ZNF804B: variants seen among roughly 807,000 people sequenced by gnomAD.
ZNF804B encodes the protein zinc finger 804B.
In ZNF804B, 80 loss-of-function variants were observed where a neutral mutation model predicts 101.4. The observed-to-expected ratio is 0.79, with a 90% CI of 0.66 to 0.95. ZNF804B has a LOEUF of 0.95. Among genes scored for constraint, ZNF804B ranks in the 40% least tolerant of loss-of-function variants. The probability of loss-of-function intolerance (pLI) is 0.00; values close to 1 mark genes in which losing one functional copy is unlikely to be tolerated. For missense variants in ZNF804B, 1,673 were observed against 1,561.9 expected (o/e 1.07, Z -1.20); for synonymous variants, 622 against 558.8 (o/e 1.11, Z -1.59).
chr7:89,080,812 G>A (rs971072140), intron 1 of ZNF804B, among the ~76,000 whole-genome samples: 4 of 151,892 alleles, frequency 2.6e-5, no homozygotes, highest in African/African-American at 9.7e-5. Flanking sequence ...TTAAAGCAGG[G>A]TGTTTTGATG....
chr7:89,197,985 T>G (rs10236100), intron 1 of ZNF804B, among the ~76,000 whole-genome samples: 6,768 of 151,918 alleles, frequency 0.045, 167 homozygotes, highest in African/African-American at 0.061. Context: ...GATCTGGCCA[T>G]TAAATATTGA....
At chr7:89,162,652 TTTA>T (rs10658439) in intron 1 of ZNF804B, among the ~76,000 whole-genome samples, 21 of 148,112 alleles carry the variant, frequency 1.4e-4, no homozygotes, top group East Asian at 2.0e-4. Flanking sequence ...TAAATATTCT[TTTA>T]TTATTATTAT....
intron 1 of ZNF804B, among the ~76,000 whole-genome samples, chr7:89,080,005 AG>A (rs1352074610): frequency 6.6e-6 from 1 of 151,988 alleles, no homozygotes; most frequent in Non-Finnish European, 1.5e-5. Context: ...TTGGCATGAC[AG>A]GATAACTTAC....
At chr7:88,779,301 A>AT (rs1257979919) in intron 1 of ZNF804B, among the ~76,000 whole-genome samples, 3 of 152,194 alleles carry the variant, frequency 2.0e-5, no homozygotes, top group Non-Finnish European at 4.4e-5. Flanking sequence ...TTTTGTGCCC[A>AT]TTGACATTAT....
chr7:89,023,074 T>C (rs1584079312), intron 1 of ZNF804B, among the ~76,000 whole-genome samples: 1 of 152,178 alleles, frequency 6.6e-6, no homozygotes, highest in Non-Finnish European at 1.5e-5. Context: ...AATGAGATAG[T>C]ATAGGAATTT....
chr7:89,262,556 TATA>T (rs576674895), intron 2 of ZNF804B, among the ~76,000 whole-genome samples: 164 of 152,344 alleles, frequency 1.1e-3, no homozygotes, highest in African/African-American at 3.6e-3. Context: ...TTGCTCTTAT[TATA>T]ATGATTACTT....
intron 1 of ZNF804B, among the ~76,000 whole-genome samples, chr7:88,991,555 A>G (rs372651323): frequency 5.3e-5 from 8 of 152,262 alleles, no homozygotes; most frequent in African/African-American, 1.9e-4. Context: ...TTCTTCAACC[A>G]GTTTCTCAGA....
chr7:88,783,052 A>G (rs1790253678), intron 1 of ZNF804B, among the ~76,000 whole-genome samples: 1 of 152,164 alleles, frequency 6.6e-6, no homozygotes, highest in Middle Eastern at 3.2e-3. Flanking sequence ...GAATATAGAA[A>G]CTGTGGAAAT....
chr7:88,818,721 G>T (rs1344981591), intron 1 of ZNF804B, among the ~76,000 whole-genome samples: 1 of 152,152 alleles, frequency 6.6e-6, no homozygotes, highest in Non-Finnish European at 1.5e-5. Context: ...TTTCTCCTCT[G>T]CCACTTAGTT....
At chr7:88,919,512 T>C (rs1792688651) in intron 1 of ZNF804B, among the ~76,000 whole-genome samples, 1 of 152,124 alleles carries the variant, frequency 6.6e-6, no homozygotes. Context: ...GGAAGCACTC[T>C]CTATTAAAAC....
intron 1 of ZNF804B, among the ~76,000 whole-genome samples, chr7:88,965,545 A>G (rs1299398048): frequency 6.6e-6 from 1 of 151,428 alleles, no homozygotes; most frequent in African/African-American, 2.4e-5. Flanking sequence ...TTTGGCTATC[A>G]CAAATACGTC....
intron 1 of ZNF804B, among the ~76,000 whole-genome samples, chr7:88,786,639 T>G (rs1483827569): frequency 6.6e-6 from 1 of 152,062 alleles, no homozygotes; most frequent in Non-Finnish European, 1.5e-5. Context: ...CAACAAAGAA[T>G]AAAATTTAAT....
chr7:89,321,171 A>C (rs1790813754), intron 2 of ZNF804B, among the ~76,000 whole-genome samples: 1 of 150,850 alleles, frequency 6.6e-6, no homozygotes. Context: ...ATAGAATTTT[A>C]ACATAAACTG....
intron 2 of ZNF804B, among the ~76,000 whole-genome samples, chr7:89,250,608 G>A (rs771308496): frequency 1.3e-5 from 2 of 152,020 alleles, no homozygotes; most frequent in African/African-American, 2.4e-5. Context: ...AGCATCCCCC[G>A]ATACCAAAAC....
chr7:88,963,690 T>C (rs1478831472), intron 1 of ZNF804B, among the ~76,000 whole-genome samples: 1 of 151,224 alleles, frequency 6.6e-6, no homozygotes, highest in Non-Finnish European at 1.5e-5. Context: ...ATCATCAAAA[T>C]TAAAAACTTT....
chr7:89,298,141 A>ATATATATAGTATATATATATATT (rs1491029398), intron 2 of ZNF804B, among the ~76,000 whole-genome samples: 41 of 87,140 alleles, frequency 4.7e-4, no homozygotes, highest in Non-Finnish European at 8.8e-4. Context: ...ATATATATAT[A>ATATATATAGTATATATATATATT]TCATATATAT....
intron 1 of ZNF804B, among the ~76,000 whole-genome samples, chr7:89,149,895 G>T (rs372196808): frequency 2.0e-5 from 3 of 151,878 alleles, no homozygotes; most frequent in South Asian, 2.1e-4. Context: ...CTCAACTACT[G>T]GTCTCCTTTA....
At chr7:88,835,785 A>G (rs114185494) in intron 1 of ZNF804B, among the ~76,000 whole-genome samples, 1,743 of 152,008 alleles carry the variant, frequency 0.011, 31 homozygotes, top group African/African-American at 0.039. Context: ...TGTTTCATGT[A>G]TATATAGTTA....
chr7:89,316,714 T>A (rs867259715), intron 2 of ZNF804B, among the ~76,000 whole-genome samples: 2 of 152,276 alleles, frequency 1.3e-5, no homozygotes, highest in Middle Eastern at 3.4e-3. Context: ...AGGCTAATGA[T>A]GGACTAGTTG....
Sources: gnomAD v4.1 joint callset for allele counts (sites outside exome capture counted in the v4.1 genomes callset) on GRCh38, gnomAD v4.1.1 for gene constraint, MANE v1.5 for transcripts, NCBI Gene and HGNC (gene_info 2026-07-23, HGNC 2026-07-21) for gene names.